Variants in PPP1R3G observed in about 807,000 individuals in gnomAD.
PPP1R3G encodes the protein protein phosphatase 1, regulatory (inhibitor) subunit 3G.
A neutral mutation model predicts 2.0 loss-of-function variants in PPP1R3G; 3 were observed. The ratio of observed to expected loss-of-function variants is 1.47; its 90% CI spans 0.67 to 3.81. PPP1R3G has a LOEUF of 3.81. Among genes scored for constraint, PPP1R3G ranks in the 30% most tolerant of loss-of-function variants. The pLI is 0.02. For synonymous variants in PPP1R3G, 267 were observed against 250.9 expected (o/e 1.06, Z -0.61); for missense variants, 595 against 517.0 (o/e 1.15, Z -1.46).
In PPP1R3G at chr6:5,086,542, C is replaced by T; in HGVS notation, c.1057C>T (p.Arg353Cys). The T allele has an allele frequency of 1.3e-6, 2 of 1,528,170 alleles. No individual in the cohort carries two copies. The highest frequency in any genetic ancestry group is 1.2e-5 in the South Asian group (1 of 83,056). 94.7% of individuals were successfully genotyped at this position (1,528,170 alleles called of 1,614,324 possible). ...CGCCAACTACACGCTGCGCTACGCG[C>T]GCCCTGCGGACGCGCTCTGAGCCTG... ...AGANYTLRYA[R>C]PADAL Residue 353 changes from arginine (R) to cysteine (C), a missense_variant, in exon 1 of 1, where the codon CGC becomes TGC. Arg to Cys is a radical substitution (Grantham distance 180). Coordinates refer to ENST00000405617, the MANE Select transcript of PPP1R3G (RefSeq NM_001145115.3).
At position 5,086,458 on chromosome 6, in the gene PPP1R3G, G is replaced by T; in HGVS notation, c.973G>T (p.Val325Phe). ...GGACGCCGACGAGCGCGGCGTCGCGGTCCACTTCGCTGTCTGCTACCGCTG... is the reference window on the plus strand; with the variant it reads ...GGACGCCGACGAGCGCGGCGTCGCGTTCCACTTCGCTGTCTGCTACCGCTG... ...EEDADERGVA[V>F]HFAVCYRCAQ... Residue 325 changes from valine to phenylalanine, a missense_variant, in exon 1 of 1, where the codon GTC becomes TTC. Transcript: ENST00000405617. The T allele has an allele frequency of 3.3e-6, 5 of 1,536,954 alleles. No individual in the cohort carries two copies. Among genetic ancestry groups the T allele is most frequent in the Non-Finnish European group, 4.4e-6 (5 of 1,146,714 alleles).
At position 5,086,313 on chromosome 6, in the gene PPP1R3G, G is replaced by C; in HGVS notation, c.828G>C (p.Gln276His). The change falls in exon 1 of 1, where the codon CAG becomes CAC. Residue 276 changes from glutamine (Q) to histidine (H), a missense_variant. Gln to His is a conservative substitution (Grantham distance 24). Coordinates refer to ENST00000405617, the MANE Select transcript of PPP1R3G (RefSeq NM_001145115.3). ...AGCCCGAGCCGCTGGAGCCACAGCA[G>C]CCAGAGGCACCGTCTGGGGCCTCCG... ...ELQPEPLEPQ[Q>H]PEAPSGASEP... 1.0e-5 allele frequency: 16 copies of C among 1,535,728 alleles called. No homozygotes were observed. Among genetic ancestry groups the C allele is most frequent in the Admixed American group, 2.0e-5 (1 of 51,000 alleles).
chr6:5,086,785 A>T lies in PPP1R3G; in HGVS notation c.*223A>T. 1 of 566,616 alleles carries T rather than the reference A, an allele frequency of 1.8e-6. No homozygotes were observed. Among genetic ancestry groups the T allele is most frequent in the South Asian group, 2.3e-5 (1 of 42,586 alleles). The allele number at this position is 566,616 out of a possible 1,614,324, so 35.1% of individuals were successfully genotyped here. A position where few individuals can be genotyped will look rare whatever the true frequency, so the allele number is the denominator to read the frequency against. ...CAATGCTCCGAAAGCCTCTGACCTC[A>T]GTCTTCTCGTCCGTTTGACCTTCCT... On this transcript the variant is annotated 3_prime_UTR_variant, in exon 1 of 1. Transcript: ENST00000405617.
Position 5,085,508 on chromosome 6 carries a change from TAA to T in PPP1R3G, c.24_25del (p.Ser9PhefsTer42). The T allele has an allele frequency of 6.5e-7, 1 of 1,537,050 alleles. No homozygotes were observed. The highest frequency in any genetic ancestry group is 8.7e-7 in the Non-Finnish European group (1 of 1,145,836). On this transcript the variant is annotated frameshift_variant, in exon 1 of 1. Coordinates refer to ENST00000405617, the MANE Select transcript of PPP1R3G (RefSeq NM_001145115.3). LOFTEE classifies it low-confidence loss of function (END_TRUNC). ...GTCATGGAGCCCATAGGGGCGCGGC[TAA>T]GTTTGGAGGCGCCGGGACCAGCGCC...
Position 5,086,116 on chromosome 6 carries a change from G to A in PPP1R3G, c.631G>A (p.Glu211Lys), listed in dbSNP as rs778999732. The A allele has an allele frequency of 3.4e-6, 5 of 1,465,146 alleles. No individual in the cohort carries two copies. Among genetic ancestry groups the A allele is most frequent in the Non-Finnish European group, 4.5e-6 (5 of 1,117,698 alleles). The allele number at this position is 1,465,146 out of a possible 1,614,324, so 90.8% of individuals were successfully genotyped here. The stretch of plus-strand genomic sequence containing the variant: ...GCTCCCGGGGCCGAGCGCCGCGGCC[G>A]AGCGTCTGCAGCGGCAGCGCGTGTG... ...FQLPGPSAAA[E>K]RLQRQRVCLE... The change falls in exon 1 of 1, where the codon GAG becomes AAG. Residue 211 changes from glutamate to lysine, a missense_variant. Transcript: ENST00000405617.
In PPP1R3G at chr6:5,087,345, C is replaced by T. The variant is rs1362388601; in HGVS notation, c.*783C>T. ...CTTAAACAACAGCCTACAAATTCCT[C>T]CCCTTCGTTCCTTCCTCTCTACTGC... On this transcript the variant is annotated 3_prime_UTR_variant, in exon 1 of 1. Transcript: ENST00000405617. 1.3e-5 allele frequency: 2 copies of T among 152,260 alleles called. No individual in the cohort carries two copies. Among genetic ancestry groups the T allele is most frequent in the Non-Finnish European group, 2.9e-5 (2 of 68,058 alleles). The allele number at this position is 152,260 out of a possible 1,614,324, so 9.4% of individuals were successfully genotyped here.
rs1439560022 is a variant in PPP1R3G at position 5,086,530 on chromosome 6, C to G, written c.1045C>G (p.Leu349Val). The G allele has an allele frequency of 5.2e-6, 8 of 1,531,582 alleles. No individual in the cohort carries two copies. In the African/African-American group the frequency reaches 9.6e-5, roughly 18 times the overall value. The allele number at this position is 1,531,582 out of a possible 1,614,324, so 94.9% of individuals were successfully genotyped here. ...WDNNAGANYTLRYARPADAL is the reference protein window; with the variant it reads ...WDNNAGANYTVRYARPADAL ...CAACAACGCGGGCGCCAACTACACG[C>G]TGCGCTACGCGCGCCCTGCGGACGC... The change falls in exon 1 of 1, where the codon CTG (leucine) becomes GTG (valine). Residue 349 changes from leucine to valine, a missense_variant. Coordinates refer to ENST00000405617, the MANE Select transcript of PPP1R3G (RefSeq NM_001145115.3).
Position 5,089,140 on chromosome 6 carries a change from T to C in PPP1R3G, c.*2578T>C, listed in dbSNP as rs1203861614. The C allele has an allele frequency of 2.0e-5, 3 of 152,198 alleles. No homozygotes were observed. The highest frequency in any genetic ancestry group is 2.9e-5 in the Non-Finnish European group (2 of 68,034). 9.4% of individuals were successfully genotyped at this position (152,198 alleles called of 1,614,324 possible). A position where few individuals can be genotyped will look rare whatever the true frequency, so the allele number is the denominator to read the frequency against. ...GACTTTTAAAAATGGTCAATGGTCATATCAATGAACTAATGAATACTTAAT... is the reference window on the plus strand; with the variant it reads ...GACTTTTAAAAATGGTCAATGGTCACATCAATGAACTAATGAATACTTAAT... On this transcript the variant is annotated 3_prime_UTR_variant, in exon 1 of 1. Transcript: ENST00000405617.
Position 5,085,962 on chromosome 6 carries a change from CGTG to C in PPP1R3G, c.478_480del (p.Val160del). ...CGGAGGAGCCGCAGGTGCCGCCCGC[CGTG>C]CTCTCGCGCCTCCGAAGCTTCCCTA... is the stretch of plus-strand genomic sequence containing the variant. On this transcript the variant is annotated inframe_deletion, in exon 1 of 1. Coordinates refer to ENST00000405617, the MANE Select transcript of PPP1R3G (RefSeq NM_001145115.3). The C allele has an allele frequency of 6.5e-7, 1 of 1,527,346 alleles. No individual in the cohort carries two copies. The highest frequency in any genetic ancestry group is 1.4e-5 in the African/African-American group (1 of 71,278). The allele number at this position is 1,527,346 out of a possible 1,614,324, so 94.6% of individuals were successfully genotyped here. A position where few individuals can be genotyped will look rare whatever the true frequency, so the allele number is the denominator to read the frequency against.
In PPP1R3G at chr6:5,089,055, T is replaced by C. The variant is rs2127582161; in HGVS notation, c.*2493T>C. On this transcript the variant is annotated 3_prime_UTR_variant, in exon 1 of 1. Transcript: ENST00000405617. ...GGCAGTGTTTCCCAAAGTAAACTGA[T>C]CATAGGAAAAAAATAATTTATTGAC... is the stretch of plus-strand genomic sequence containing the variant. The C allele has an allele frequency of 6.6e-6, 1 of 152,296 alleles. No homozygotes were observed. Among genetic ancestry groups the C allele is most frequent in the South Asian group, 2.1e-4 (1 of 4,824 alleles). 9.4% of individuals were successfully genotyped at this position (152,296 alleles called of 1,614,324 possible).
At position 5,086,963 on chromosome 6, in the gene PPP1R3G, T is replaced by G; in HGVS notation, c.*401T>G. 1 of 185,492 alleles carries G rather than the reference T, an allele frequency of 5.4e-6. No individual in the cohort carries two copies. Among genetic ancestry groups the G allele is most frequent in the East Asian group, 1.5e-4 (1 of 6,534 alleles). The allele number at this position is 185,492 out of a possible 1,614,324, so 11.5% of individuals were successfully genotyped here. A position where few individuals can be genotyped will look rare whatever the true frequency, so the allele number is the denominator to read the frequency against. ...ACTCTAAATATCATATTGTAGCCCT[T>G]GCAGTTTGCTGGAGACCCCTAGGGA... On this transcript the variant is annotated 3_prime_UTR_variant, in exon 1 of 1. Coordinates refer to ENST00000405617, the MANE Select transcript of PPP1R3G (RefSeq NM_001145115.3).
rs551301316 is a variant in PPP1R3G, at chr6:5,086,660, G to A, written c.*98G>A. On this transcript the variant is annotated 3_prime_UTR_variant, in exon 1 of 1. Coordinates refer to ENST00000405617, the MANE Select transcript of PPP1R3G (RefSeq NM_001145115.3). Reference sequence around the variant, plus strand: ...CTTGCTGGGACGCTTTGCTGAGCGTGGCGAGTCTGGCGTGAGGGGCGCGTG... The same window carrying A: ...CTTGCTGGGACGCTTTGCTGAGCGTAGCGAGTCTGGCGTGAGGGGCGCGTG... 17 of 1,029,568 alleles carry A rather than the reference G, an allele frequency of 1.7e-5. No homozygotes were observed. The South Asian group carries it at 2.7e-4, about 16-fold the overall frequency. 63.8% of individuals were successfully genotyped at this position (1,029,568 alleles called of 1,614,324 possible).
chr6:5,085,654 A>G lies in PPP1R3G; in HGVS notation c.169A>G (p.Arg57Gly), dbSNP rs1761971507. The G allele has an allele frequency of 1.3e-6, 2 of 1,548,598 alleles. No individual in the cohort carries two copies. Among genetic ancestry groups the G allele is most frequent in the African/African-American group, 1.4e-5 (1 of 72,896 alleles). ...GAGTCCTGACGCTCAGCTAGGGGAT[A>G]GGCCCCTGTCCCCGAAGGAAGAGGC... ...TPSPDAQLGDRPLSPKEEAAP... is the reference protein window; with the variant it reads ...TPSPDAQLGDGPLSPKEEAAP... Residue 57 changes from arginine (R) to glycine (G), a missense_variant, in exon 1 of 1, where the codon AGG becomes GGG. Transcript: ENST00000405617.
Position 5,085,545 on chromosome 6 carries a change from G to A in PPP1R3G, c.60G>A (p.Glu20=). 6.5e-7 allele frequency: 1 copy of A among 1,539,940 alleles called. No individual in the cohort carries two copies. Among genetic ancestry groups the A allele is most frequent in the Non-Finnish European group, 8.7e-7 (1 of 1,145,654 alleles). The change falls in exon 1 of 1, where the codon GAG becomes GAA. Residue 20 remains glutamate (E), a synonymous_variant. Transcript: ENST00000405617. ...LEAPGPAPFR[E]APPAEELPAP... ...CGCCGGGACCAGCGCCCTTCCGAGA[G>A]GCCCCGCCGGCCGAGGAGCTGCCCG...
Position 5,086,450 on chromosome 6 carries a change from G to T in PPP1R3G, c.965G>T (p.Gly322Val). 6.5e-7 allele frequency: 1 copy of T among 1,536,750 alleles called. No individual in the cohort carries two copies. ...GACGAAGAGGACGCCGACGAGCGCG[G>T]CGTCGCGGTCCACTTCGCTGTCTGC... The part of the protein sequence containing the change: ...PEDEEDADER[G>V]VAVHFAVCYR... The change falls in exon 1 of 1, where the codon GGC becomes GTC. Residue 322 changes from glycine (G) to valine (V), a missense_variant. Physicochemically the swap from Gly to Val is moderately radical, Grantham distance 109. Coordinates refer to ENST00000405617, the MANE Select transcript of PPP1R3G (RefSeq NM_001145115.3).
rs762899210 is a variant in PPP1R3G at position 5,086,519 on chromosome 6, C to T, written c.1034C>T (p.Ala345Val). The part of the protein sequence containing the change: ...QGEYWDNNAG[A>V]NYTLRYARPA... ...GAGTACTGGGACAACAACGCGGGCG[C>T]CAACTACACGCTGCGCTACGCGCGC... The change falls in exon 1 of 1, where the codon GCC becomes GTC. Residue 345 changes from alanine (A) to valine (V), a missense_variant. Physicochemically the swap from Ala to Val is moderately conservative, Grantham distance 64. Transcript: ENST00000405617. The T allele has an allele frequency of 2.0e-6, 3 of 1,534,086 alleles. No individual in the cohort carries two copies. The highest frequency in any genetic ancestry group is 1.7e-6 in the Non-Finnish European group (2 of 1,143,224).
Position 5,085,558 on chromosome 6 carries a change from G to C in PPP1R3G, c.73G>C (p.Glu25Gln). 6.5e-7 allele frequency: 1 copy of C among 1,542,336 alleles called. No homozygotes were observed. The highest frequency in any genetic ancestry group is 8.7e-7 in the Non-Finnish European group (1 of 1,146,024). Reference protein sequence around the residue: ...PAPFREAPPAEELPAPVVPCV... With the variant: ...PAPFREAPPAQELPAPVVPCV... The stretch of plus-strand genomic sequence containing the variant: ...GCCCTTCCGAGAGGCCCCGCCGGCC[G>C]AGGAGCTGCCCGCCCCGGTGGTCCC... The change falls in exon 1 of 1, where the codon GAG becomes CAG. Residue 25 changes from glutamate (E) to glutamine (Q), a missense_variant. By Grantham distance (29) the Glu-to-Gln change is conservative. Transcript: ENST00000405617.
chr6:5,086,010 G>A lies in PPP1R3G; in HGVS notation c.525G>A (p.Glu175=). ...RSFPMRAEDL[E]QLGGLLAAAA... is the part of the protein sequence containing the mutation. ...TCCCTATGCGTGCCGAGGACCTGGA[G>A]CAGCTCGGGGGGCTGCTGGCCGCGG... The change falls in exon 1 of 1, where the codon GAG becomes GAA. Residue 175 remains glutamate, a synonymous_variant. Coordinates refer to ENST00000405617, the MANE Select transcript of PPP1R3G (RefSeq NM_001145115.3). 6.6e-7 allele frequency: 1 copy of A among 1,517,414 alleles called. No homozygotes were observed. The highest frequency in any genetic ancestry group is 8.8e-7 in the Non-Finnish European group (1 of 1,139,234). The allele number at this position is 1,517,414 out of a possible 1,614,324, so 94.0% of individuals were successfully genotyped here. A position where few individuals can be genotyped will look rare whatever the true frequency, so the allele number is the denominator to read the frequency against.
rs1237748704 is a variant in PPP1R3G, at chr6:5,085,755, C to A, written c.270C>A (p.Asp90Glu). 28 of 1,537,272 alleles carry A rather than the reference C, an allele frequency of 1.8e-5. No individual in the cohort carries two copies. In the Admixed American group the frequency reaches 5.6e-4, roughly 31 times the overall value. The change falls in exon 1 of 1, where the codon GAC becomes GAA. Residue 90 changes from aspartate to glutamate, a missense_variant. Asp to Glu is a conservative substitution (Grantham distance 45). Transcript: ENST00000405617. ...CRARSFSLPA[D>E]PILQAAKFLQ... ...CGCGCTCCTTTTCCTTGCCCGCCGA[C>A]CCCATCTTGCAGGCGGCCAAGTTCC...
Sources: allele counts gnomAD v4.1 joint callset, GRCh38; gene constraint gnomAD v4.1.1; transcripts MANE v1.5; gene names NCBI Gene and HGNC (gene_info 2026-07-23, HGNC 2026-07-21).